Variants in TESPA1 observed in about 807,000 individuals in gnomAD.
The protein encoded by TESPA1 is thymocyte expressed, positive selection associated 1.
In TESPA1, 33 loss-of-function variants were observed where a neutral mutation model predicts 57.9. That is an observed-to-expected ratio of 0.57 (90% confidence interval 0.43 to 0.76). The LOEUF (loss-of-function observed/expected upper bound fraction) is 0.76, where lower values mean the gene tolerates loss of function less well. TESPA1 is among the 30% of genes least tolerant of loss of function. The pLI, the probability that TESPA1 is intolerant of heterozygous loss-of-function variation, is 0.00. For synonymous variants in TESPA1, 227 were observed against 228.9 expected (o/e 0.99, Z 0.07); for missense variants, 618 against 632.9 (o/e 0.98, Z 0.25).
intron 10 of TESPA1, among the ~76,000 whole-genome samples, chr12:54,956,690 T>A (rs1950756012): frequency 6.6e-6 from 1 of 152,222 alleles, no homozygotes; most frequent in Non-Finnish European, 1.5e-5. Flanking sequence ...TGACTTCATT[T>A]CGTGTTGCCA....
chr12:54,977,627 A>G (rs1018926527), intron 1 of TESPA1, among the ~76,000 whole-genome samples: 1 of 152,264 alleles, frequency 6.6e-6, no homozygotes, highest in African/African-American at 2.4e-5. Flanking sequence ...AGGCTTACAA[A>G]TAAATGGCAA....
chr12:54,980,543 T>C (rs1278628621), intron 1 of TESPA1, among the ~76,000 whole-genome samples: 1 of 152,232 alleles, frequency 6.6e-6, no homozygotes, highest in Non-Finnish European at 1.5e-5. Context: ...CCCCGCCCGG[T>C]ACATGGCTGA....
At position 54,969,121 on chromosome 12, in the gene TESPA1, G is replaced by T. The variant is rs142163397; in HGVS notation, c.207-1229C>A. Among the ~76,000 whole-genome samples, 1,068 of 148,670 alleles carry T rather than the reference G, an allele frequency of 7.2e-3. 12 individuals are homozygous for T. The highest frequency in any genetic ancestry group is 0.025 in the African/African-American group (999 of 40,496). ...TTTCAATAGCAAAAAAATCAACCAT[G>T]TTTACCAAAATCTGAATTTTAATAT... On this transcript the variant is annotated intron_variant, in intron 3 of 10. Coordinates refer to ENST00000449076, the MANE Select transcript of TESPA1 (RefSeq NM_001136030.3).
intron 1 of TESPA1, among the ~76,000 whole-genome samples, chr12:54,978,929 T>G (rs1415198393): frequency 6.6e-6 from 1 of 152,138 alleles, no homozygotes; most frequent in Non-Finnish European, 1.5e-5. Context: ...TCATAGAACA[T>G]AGCACAGTAC....
rs540387147 is a variant in TESPA1, at chr12:54,948,405, T to G, written c.*1987A>C. The G allele has an allele frequency of 1.2e-5, 2 of 163,910 alleles. No individual in the cohort carries two copies. Among genetic ancestry groups the G allele is most frequent in the South Asian group, 4.0e-4 (2 of 4,976 alleles). 10.2% of individuals were successfully genotyped at this position (163,910 alleles called of 1,614,324 possible). On this transcript the variant is annotated 3_prime_UTR_variant, in exon 11 of 11. Transcript: ENST00000449076. ...TCCTCACCCAAATCTCATGTCAAAC[T>G]GTAATCCCCATTGTTGGAGGTGGGG...
intron 10 of TESPA1, among the ~76,000 whole-genome samples, chr12:54,951,202 A>G (rs898651344): frequency 7.2e-5 from 11 of 152,176 alleles, no homozygotes; most frequent in African/African-American, 2.7e-4. Context: ...TTCTCATGAC[A>G]GCGAGTGAAT....
At chr12:54,959,362 G>A (rs1490708865) in intron 10 of TESPA1, among the ~76,000 whole-genome samples, 2 of 152,190 alleles carry the variant, frequency 1.3e-5, no homozygotes, top group Admixed American at 6.5e-5. Flanking sequence ...GGAAGACTTT[G>A]TTAAGAGGAA....
At chr12:54,954,974 T>C (rs1319623388) in intron 10 of TESPA1, among the ~76,000 whole-genome samples, 1 of 152,250 alleles carries the variant, frequency 6.6e-6, no homozygotes, top group African/African-American at 2.4e-5. Flanking sequence ...CTACATCATA[T>C]GGTAGTTCCA....
At chr12:54,972,289 T>C (rs1428363207) in intron 3 of TESPA1, among the ~76,000 whole-genome samples, 3 of 152,224 alleles carry the variant, frequency 2.0e-5, no homozygotes, top group Non-Finnish European at 2.9e-5. Flanking sequence ...AAATATGTTC[T>C]AAGTCAATGA....
At chr12:54,958,818 T>C (rs1177143158) in intron 10 of TESPA1, among the ~76,000 whole-genome samples, 1 of 152,204 alleles carries the variant, frequency 6.6e-6, no homozygotes, top group Non-Finnish European at 1.5e-5. Context: ...ATCAAAGGCA[T>C]TCCTCATTTC....
chr12:54,982,005 T>G (rs1952340154), intron 1 of TESPA1: 1 of 152,230 alleles, frequency 6.6e-6, no homozygotes, highest in African/African-American at 2.4e-5. Flanking sequence ...GAAATGGGGT[T>G]TCCATGATGT....
At chr12:54,983,373 G>A (rs1233365621) in intron 1 of TESPA1, among the ~76,000 whole-genome samples, 2 of 152,124 alleles carry the variant, frequency 1.3e-5, no homozygotes, top group Non-Finnish European at 2.9e-5. Flanking sequence ...TCCAAGTAGA[G>A]ACAGACAATA....
intron 10 of TESPA1, among the ~76,000 whole-genome samples, chr12:54,952,451 C>T (rs7962801): frequency 0.21 from 31,263 of 152,216 alleles, 5,467 homozygotes; most frequent in East Asian, 0.84. Flanking sequence ...TGACTAGATA[C>T]TCTTTCAGTA....
At chr12:54,972,391 T>A (rs1532053) in intron 3 of TESPA1, among the ~76,000 whole-genome samples, 55,423 of 152,040 alleles carry the variant, frequency 0.36, 12,992 homozygotes, top group East Asian at 0.92. Flanking sequence ...CATGAATTGA[T>A]GACTCAAGAG....
intron 10 of TESPA1, among the ~76,000 whole-genome samples, chr12:54,952,286 C>A (rs553536947): frequency 1.3e-5 from 2 of 152,166 alleles, no homozygotes; most frequent in Admixed American, 6.5e-5. Flanking sequence ...AAATAAATTT[C>A]TTTTATAAAG....
rs1455391162 is a variant in TESPA1, at chr12:54,974,431, C to T, written c.132G>A (p.Glu44=). 6.2e-7 allele frequency: 1 copy of T among 1,609,906 alleles called. No homozygotes were observed. The highest frequency in any genetic ancestry group is 8.5e-7 in the Non-Finnish European group (1 of 1,178,138). ...AAALQDVPDP[E]PSSLDDVFQE... ...GGAAAACGTCATCCAGGCTGGAAGG[C>T]TCAGGATCTGGGACATCCTGCAGGG... Residue 44 remains glutamate, a synonymous_variant, in exon 2 of 11, where the codon GAG becomes GAA. Transcript: ENST00000449076.
intron 10 of TESPA1, among the ~76,000 whole-genome samples, chr12:54,958,552 G>A (rs1217360176): frequency 6.6e-6 from 1 of 151,798 alleles, no homozygotes; most frequent in Non-Finnish European, 1.5e-5. Context: ...CTGTGGTTTG[G>A]TATCTGACAT....
rs183694777 is a variant in TESPA1 at position 54,953,012 on chromosome 12, G to A, written c.*2-2622C>T. Reference sequence around the variant, plus strand: ...TCCTGAATATCTCAAAATCTCACTCGTCCTCCCCTCTATTCCCACTGCCTT... The same window carrying A: ...TCCTGAATATCTCAAAATCTCACTCATCCTCCCCTCTATTCCCACTGCCTT... On this transcript the variant is annotated intron_variant, in intron 10 of 10. Transcript: ENST00000449076. Among the ~76,000 whole-genome samples, 3 of 151,588 alleles carry A rather than the reference G, an allele frequency of 2.0e-5. No individual in the cohort carries two copies. The South Asian group carries it at 6.3e-4, about 32-fold the overall frequency.
chr12:54,954,154 C>A (rs1224512302), intron 10 of TESPA1, among the ~76,000 whole-genome samples: 1 of 152,104 alleles, frequency 6.6e-6, no homozygotes, highest in Non-Finnish European at 1.5e-5. Flanking sequence ...CCCTGATCCA[C>A]AGTAACAGCC....
Sources: allele counts gnomAD v4.1 joint callset (sites outside exome capture counted in the v4.1 genomes callset), GRCh38; gene constraint gnomAD v4.1.1; transcripts MANE v1.5; gene names NCBI Gene and HGNC (gene_info 2026-07-23, HGNC 2026-07-21).